Variants in SOX6 observed in about 807,000 individuals in gnomAD.
The protein encoded by SOX6 is SRY-box transcription factor 6.
SOX6 carries 11 observed loss-of-function variants against 97.8 expected under a neutral mutation model. The ratio of observed to expected loss-of-function variants is 0.11; its 90% CI spans 0.07 to 0.19. The LOEUF (loss-of-function observed/expected upper bound fraction) is 0.19, where lower values mean the gene tolerates loss of function less well. Among genes scored for constraint, SOX6 ranks in the 10% least tolerant of loss-of-function variants. The pLI, the probability that SOX6 is intolerant of heterozygous loss-of-function variation, is 1.00. For missense variants in SOX6, 810 were observed against 1,039.5 expected, an observed-to-expected ratio of 0.78 and a Z score of 3.04; for synonymous variants, 360 against 371.4, an observed-to-expected ratio of 0.97 and a Z score of 0.35.
intron 3 of SOX6, among the ~76,000 whole-genome samples, chr11:16,670,851 A>G (rs905432252): frequency 2.6e-4 from 39 of 152,010 alleles, no homozygotes; most frequent in African/African-American, 8.4e-4. Flanking sequence ...CCAGGAGTGC[A>G]AAGCCATGAA....
rs1853208170 is a variant in SOX6 at position 15,968,603 on chromosome 11, C to CGAA, written c.*4203_*4205dup. On this transcript the variant is annotated 3_prime_UTR_variant, in exon 16 of 16. Coordinates refer to ENST00000683767, the MANE Select transcript of SOX6 (RefSeq NM_001367873.1). ...GCTCCTGGCTCAGGAGGGTGTACTC[C>CGAA]GAAGAAGCAGCCTGGCTTCAGAAGG... The CGAA allele has an allele frequency of 6.6e-6, 1 of 152,206 alleles. No individual in the cohort carries two copies. Among genetic ancestry groups the CGAA allele is most frequent in the African/African-American group, 2.4e-5 (1 of 41,444 alleles). 9.4% of individuals were successfully genotyped at this position (152,206 alleles called of 1,614,324 possible). A position where few individuals can be genotyped will look rare whatever the true frequency, so the allele number is the denominator to read the frequency against.
intron 6 of SOX6, among the ~76,000 whole-genome samples, chr11:16,123,789 T>G (rs960466454): frequency 6.6e-6 from 1 of 152,090 alleles, no homozygotes; most frequent in African/African-American, 2.4e-5. Context: ...CAATTTAATT[T>G]TATACTTTTA....
At chr11:16,136,892 A>T (rs986153400) in intron 6 of SOX6, among the ~76,000 whole-genome samples, 1 of 152,218 alleles carries the variant, frequency 6.6e-6, no homozygotes, top group Non-Finnish European at 1.5e-5. Flanking sequence ...ACCAATTTTC[A>T]TCAACATGTA....
At chr11:16,475,497 A>C (rs894578119) in intron 1 of SOX6, among the ~76,000 whole-genome samples, 1 of 152,300 alleles carries the variant, frequency 6.6e-6, no homozygotes, top group East Asian at 1.9e-4. Flanking sequence ...AGGGTGGCTC[A>C]AGGAGAGGGA....
At chr11:16,281,292 C>A (rs1013398379) in intron 3 of SOX6, among the ~76,000 whole-genome samples, 2 of 151,876 alleles carry the variant, frequency 1.3e-5, no homozygotes, top group African/African-American at 4.8e-5. Context: ...TCATTGCTAC[C>A]CTGCCTGCAT....
chr11:16,515,031 G>A (rs1236664483), intron 4 of SOX6, among the ~76,000 whole-genome samples: 1 of 151,624 alleles, frequency 6.6e-6, no homozygotes, highest in African/African-American at 2.4e-5. Context: ...CTTTATAGCA[G>A]CATGATTTAT....
At chr11:16,534,357 A>T (rs1235902536) in intron 4 of SOX6, among the ~76,000 whole-genome samples, 1 of 152,144 alleles carries the variant, frequency 6.6e-6, no homozygotes, top group East Asian at 1.9e-4. Context: ...TAATAGTTTT[A>T]AAACATTTTT....
At position 16,605,329 on chromosome 11, in the gene SOX6, C is replaced by T. The variant is rs1749177376; in HGVS notation, n.609+6752G>A. On this transcript the variant is annotated intron_variant and non_coding_transcript_variant, in intron 4 of 5. Transcript: ENST00000524520. This position sits in a 1 kb window ranked among gnomAD's most constrained non-coding sequence, Gnocchi z 5.3. ...CGGCGGGGCTGAACTACCCCTCGCCCCCGCTCCCGCCAGGTCAGGCACCAC... is the reference window on the plus strand; with the variant it reads ...CGGCGGGGCTGAACTACCCCTCGCCTCCGCTCCCGCCAGGTCAGGCACCAC... 6.6e-6 allele frequency among the ~76,000 whole-genome samples: 1 copy of T among 152,170 alleles called. No homozygotes were observed. Among genetic ancestry groups the T allele is most frequent in the South Asian group, 2.1e-4 (1 of 4,836 alleles).
At chr11:16,248,357 C>A (rs763941215) in intron 3 of SOX6, among the ~76,000 whole-genome samples, 49 of 152,176 alleles carry the variant, frequency 3.2e-4, no homozygotes, top group Non-Finnish European at 6.2e-4. Context: ...AGTGGGGACT[C>A]TGTGTAGGGG....
chr11:16,539,329 G>A (rs142955094), intron 4 of SOX6, among the ~76,000 whole-genome samples: 5,109 of 152,236 alleles, frequency 0.034, 275 homozygotes, highest in African/African-American at 0.12. Context: ...AGTGTGTAGA[G>A]GGAAATTTAT....
chr11:16,519,473 T>A (rs1193560796), intron 4 of SOX6, among the ~76,000 whole-genome samples: 2 of 152,186 alleles, frequency 1.3e-5, no homozygotes, highest in Non-Finnish European at 2.9e-5. Context: ...GTTATTTAAC[T>A]TAGCATAATG....
intron 4 of SOX6, among the ~76,000 whole-genome samples, chr11:16,516,576 A>G (rs889170644): frequency 7.0e-4 from 106 of 152,184 alleles, no homozygotes; most frequent in Middle Eastern, 3.4e-3. Flanking sequence ...TAGAAAATCT[A>G]GAAGAAATGG....
chr11:16,526,112 G>T (rs1166444870), intron 4 of SOX6, among the ~76,000 whole-genome samples: 4 of 152,270 alleles, frequency 2.6e-5, no homozygotes, highest in African/African-American at 9.6e-5. Flanking sequence ...AATACCATTT[G>T]ACCCAGCCAT....
chr11:16,049,001 C>A (rs926548977), intron 11 of SOX6, among the ~76,000 whole-genome samples: 1 of 152,112 alleles, frequency 6.6e-6, no homozygotes, highest in African/African-American at 2.4e-5. Flanking sequence ...AAATTGAATG[C>A]CTTCTAGGTT....
intron 6 of SOX6, among the ~76,000 whole-genome samples, chr11:16,152,502 A>AT (rs1850484641): frequency 1.3e-5 from 2 of 152,158 alleles, no homozygotes; most frequent in African/African-American, 4.8e-5. Flanking sequence ...ACAAATTACT[A>AT]TTTTCTCTGG....
Position 16,056,036 on chromosome 11 carries a change from G to T in SOX6, c.1102-135C>A, listed in dbSNP as rs926475213. On this transcript the variant is annotated intron_variant, in intron 9 of 15. Transcript: ENST00000683767. ...TTTTTCACTATTTTTAAAAAAGGAA[G>T]CTAAGAGAAGGCAAATAATAAAACA... 50 of 1,019,812 alleles carry T rather than the reference G, an allele frequency of 4.9e-5. No individual in the cohort carries two copies. In the African/African-American group the frequency reaches 6.8e-4, roughly 14 times the overall value. The allele number at this position is 1,019,812 out of a possible 1,614,324, so 63.2% of individuals were successfully genotyped here.
intron 12 of SOX6, among the ~76,000 whole-genome samples, chr11:16,029,324 A>C (rs1855295707): frequency 6.6e-6 from 1 of 152,186 alleles, no homozygotes; most frequent in Non-Finnish European, 1.5e-5. Context: ...ACCGAGAGAC[A>C]GTTCCTTCAG....
intron 9 of SOX6, among the ~76,000 whole-genome samples, chr11:16,079,477 C>T (rs1262724296): frequency 2.0e-5 from 3 of 151,960 alleles, no homozygotes; most frequent in Non-Finnish European, 4.4e-5. Context: ...TATTTAATTT[C>T]TCAGCAGACT....
intron 2 of SOX6, among the ~76,000 whole-genome samples, chr11:16,716,691 C>T (rs543436911): frequency 5.9e-5 from 9 of 151,708 alleles, no homozygotes; most frequent in Non-Finnish European, 1.2e-4. Flanking sequence ...ACTCACATAC[C>T]CATCAACAAA....
Sources: gnomAD v4.1 joint callset for allele counts (sites outside exome capture counted in the v4.1 genomes callset) on GRCh38, gnomAD v4.1.1 for gene constraint, Gnocchi (gnomAD v3.1) non-coding constraint, MANE v1.5 for transcripts, NCBI Gene and HGNC (gene_info 2026-07-23, HGNC 2026-07-21) for gene names.